Variants in TDRD9 observed in about 807,000 individuals in gnomAD.
TDRD9 encodes the protein tudor domain containing 9.
Under a neutral mutation model 172.6 loss-of-function variants are expected in TDRD9, and 124 were observed. That is an observed-to-expected ratio of 0.72 (90% CI 0.62 to 0.83). The LOEUF (loss-of-function observed/expected upper bound fraction) is 0.83. Among genes scored for constraint, TDRD9 ranks in the 40% least tolerant of loss-of-function variants. The pLI, the probability that TDRD9 is intolerant of heterozygous loss-of-function variation, is 0.00. For missense variants in TDRD9, 1,479 were observed against 1,714.1 expected (o/e 0.86, Z 2.42); for synonymous variants, 619 against 617.1 (o/e 1.00, Z -0.05).
intron 9 of TDRD9, 68 bp downstream of exon 9, chr14:103,991,292 C>A: frequency 6.6e-7 from 1 of 1,514,456 alleles, no homozygotes; most frequent in Non-Finnish European, 9.1e-7. Flanking sequence ...TTGTGCCTAA[C>A]ACAGATTATG....
At chr14:103,987,123 T>TATACACACACACACAC (rs1167102708) in intron 8 of TDRD9, among the ~76,000 whole-genome samples, 2 of 145,686 alleles carry the variant, frequency 1.4e-5, no homozygotes, top group African/African-American at 5.1e-5. Flanking sequence ...AAAAAATATA[T>TATACACACACACACAC]ACACACACAC....
intron 9 of TDRD9, among the ~76,000 whole-genome samples, 161 bp from the exon 10 acceptor site, chr14:103,994,171 A>G (rs534629006): frequency 4.6e-5 from 7 of 152,330 alleles, no homozygotes; most frequent in Admixed American, 2.6e-4. Flanking sequence ...GTCACTGTGT[A>G]CTTTTACTTG....
intron 13 of TDRD9, among the ~76,000 whole-genome samples, chr14:104,000,549 C>T (rs1410107284): frequency 6.6e-6 from 1 of 152,120 alleles, no homozygotes; most frequent in Non-Finnish European, 1.5e-5. Flanking sequence ...CTTCGGGAGG[C>T]TGAGGCTGGT....
At chr14:103,990,173 C>T (rs1242125327) in intron 8 of TDRD9, among the ~76,000 whole-genome samples, 2 of 152,228 alleles carry the variant, frequency 1.3e-5, no homozygotes, top group African/African-American at 4.8e-5. Context: ...CAGATGTTCG[C>T]CCCTGGTTGT....
chr14:104,004,361 GTTTATTTA>G (rs10593237), intron 14 of TDRD9, 26 bp downstream of exon 14: 13,461 of 727,500 alleles, frequency 0.019, 755 homozygotes, highest in Admixed American at 0.15. Flanking sequence ...CATTGTCAAA[GTTTATTTA>G]TTTATTTATT....
intron 33 of TDRD9, 130 bp downstream of exon 33, chr14:104,040,464 G>C: frequency 4.9e-6 from 5 of 1,027,858 alleles, no homozygotes; most frequent in African/African-American, 3.3e-5. Context: ...AGATGTGCAC[G>C]TTCCTTGTCC....
In TDRD9 at chr14:104,008,482, T is replaced by C. The variant is rs1395646061; in HGVS notation, c.2106+16T>C. On this transcript the variant is annotated intron_variant, in intron 20 of 35. Transcript: ENST00000409874. ...AATTAGAGAGGTAAGTTAAGTTTTT[T>C]GACCAAATGGATGCAAATAAAGTTG... 6.6e-7 allele frequency: 1 copy of C among 1,507,622 alleles called. No homozygotes were observed. Among genetic ancestry groups the C allele is most frequent in the Non-Finnish European group, 9.2e-7 (1 of 1,088,732 alleles). 93.4% of individuals were successfully genotyped at this position (1,507,622 alleles called of 1,614,324 possible).
chr14:104,027,714 A>G (rs1456489764), intron 28 of TDRD9, among the ~76,000 whole-genome samples: 1 of 152,230 alleles, frequency 6.6e-6, no homozygotes, highest in African/African-American at 2.4e-5. Flanking sequence ...GTAAACATTC[A>G]AGAACTTTCT....
intron 3 of TDRD9, among the ~76,000 whole-genome samples, chr14:103,963,984 G>A (rs1274383876): frequency 6.6e-6 from 1 of 152,208 alleles, no homozygotes; most frequent in Non-Finnish European, 1.5e-5. Context: ...AAAAGTGGAA[G>A]TTACTTGTTT....
At chr14:104,034,920 T>G in intron 31 of TDRD9, 40 bp from the exon 32 acceptor site, 255 of 1,486,274 alleles carry the variant, frequency 1.7e-4, no homozygotes, top group Non-Finnish European at 2.1e-4. Context: ...CTGAGCAGCG[T>G]GAGTTAATGC....
intron 28 of TDRD9, among the ~76,000 whole-genome samples, chr14:104,030,163 C>T (rs2035239207): frequency 6.6e-6 from 1 of 152,098 alleles, no homozygotes; most frequent in Non-Finnish European, 1.5e-5. Flanking sequence ...ATGTTTCTTT[C>T]TTGCAAACGA....
intron 7 of TDRD9, among the ~76,000 whole-genome samples, chr14:103,983,224 G>A (rs572887913): frequency 4.6e-5 from 7 of 151,104 alleles, no homozygotes; most frequent in African/African-American, 7.3e-5. Context: ...CCCCATGCCC[G>A]GTTAATTTTT....
intron 14 of TDRD9, 187 bp from the exon 15 acceptor site, chr14:104,005,087 C>T: frequency 2.3e-6 from 1 of 433,180 alleles, no homozygotes; most frequent in South Asian, 6.4e-5. Flanking sequence ...ATTTTTCCAT[C>T]TCTTTCTCTC....
chr14:104,024,775 C>G, intron 25 of TDRD9, 95 bp downstream of exon 25: 1 of 523,342 alleles, frequency 1.9e-6, no homozygotes, highest in Non-Finnish European at 3.3e-6. Flanking sequence ...CACACACACA[C>G]ACACACACAC....
rs946058537 is a variant in TDRD9, at chr14:104,036,469, T to C, written c.3716+1413T>C. 2.0e-5 allele frequency among the ~76,000 whole-genome samples: 3 copies of C among 152,190 alleles called. No individual in the cohort carries two copies. In the East Asian group the frequency reaches 5.8e-4, roughly 29 times the overall value. On this transcript the variant is annotated intron_variant, in intron 32 of 35. Transcript: ENST00000409874. ...GCAGTGGGATGATCTCATGAGCAAA[T>C]AGCACGCTGTGCACCTGCAGGCCTG...
intron 3 of TDRD9, among the ~76,000 whole-genome samples, 193 bp from the exon 4 acceptor site, chr14:103,965,140 A>G (rs1202798019): frequency 1.3e-5 from 2 of 151,996 alleles, no homozygotes; most frequent in African/African-American, 4.8e-5. Flanking sequence ...TGAACTCAGG[A>G]GACAGAGGTT....
At position 104,035,230 on chromosome 14, in the gene TDRD9, A is replaced by AT. The variant is rs200305314; in HGVS notation, c.3716+178dup. ...TATTGATTTATTTATGCTTGGGCTG[A>AT]TTTTGAAAGAAGCTCAGAAAGCTTG... On this transcript the variant is annotated intron_variant, in intron 32 of 35. Transcript: ENST00000409874. Among the ~76,000 whole-genome samples the AT allele has an allele frequency of 3.9e-3, 588 of 152,160 alleles. 5 individuals carry two copies. Among genetic ancestry groups the AT allele is most frequent in the African/African-American group, 0.013 (528 of 41,500 alleles).
intron 9 of TDRD9, among the ~76,000 whole-genome samples, chr14:103,993,566 C>A (rs1452997162): frequency 1.3e-5 from 2 of 152,200 alleles, no homozygotes; most frequent in Non-Finnish European, 1.5e-5. Context: ...CAGGGCCATG[C>A]TCTTTCTGAG....
At chr14:103,965,677 T>G in intron 4 of TDRD9, 123 bp downstream of exon 4, 1 of 880,780 alleles carries the variant, frequency 1.1e-6, no homozygotes, top group Non-Finnish European at 1.7e-6. Context: ...ATTAGTTGTG[T>G]CTCATGCCTG....
Sources: allele counts gnomAD v4.1 joint callset (sites outside exome capture counted in the v4.1 genomes callset), GRCh38; gene constraint gnomAD v4.1.1; transcripts MANE v1.5; gene names NCBI Gene and HGNC (gene_info 2026-07-23, HGNC 2026-07-21).